The following ZFHX3 variants were observed in gnomAD, a reference collection of about 807,000 sequenced individuals.
The protein encoded by ZFHX3 is zinc finger homeobox protein 3.
ZFHX3 carries 42 observed loss-of-function variants against 279.1 expected under a neutral mutation model. The observed-to-expected ratio is 0.15, with a 90% CI of 0.12 to 0.19. The LOEUF (loss-of-function observed/expected upper bound fraction) is 0.19. ZFHX3 is among the 10% of genes least tolerant of loss of function. The probability of loss-of-function intolerance (pLI) is 1.00; values close to 1 mark genes in which losing one functional copy is unlikely to be tolerated. For synonymous variants in ZFHX3, 2,293 were observed against 1,957.8 expected, an observed-to-expected ratio of 1.17 and a Z score of -4.52; for missense variants, 4,981 against 4,754.0, an observed-to-expected ratio of 1.05 and a Z score of -1.40.
intron 4 of ZFHX3, among the ~76,000 whole-genome samples, chr16:73,289,342 G>C (rs943942794): frequency 6.6e-6 from 1 of 151,964 alleles, no homozygotes; most frequent in African/African-American, 2.4e-5. Context: ...AGGGTGGGGG[G>C]AGGTAGGTGG....
At chr16:73,812,610 G>C (rs1456149132) in intron 1 of ZFHX3, 1 of 152,288 alleles carries the variant, frequency 6.6e-6, no homozygotes, top group Non-Finnish European at 1.5e-5. Flanking sequence ...CTAGCTGCCT[G>C]CCCCTCTGAT....
At chr16:73,350,466 C>A (rs1003982614) in intron 3 of ZFHX3, among the ~76,000 whole-genome samples, 1 of 152,158 alleles carries the variant, frequency 6.6e-6, no homozygotes, top group African/African-American at 2.4e-5. Context: ...TAATTCCGGC[C>A]ATACGTCTTT....
chr16:73,460,238 CT>C (rs34373254), intron 2 of ZFHX3, among the ~76,000 whole-genome samples: 100,292 of 151,998 alleles, frequency 0.66, 33,531 homozygotes, highest in Non-Finnish European at 0.72. Context: ...TTGAGATTGG[CT>C]TTTTTTCACT....
In ZFHX3 at chr16:73,600,724, T is replaced by G. The variant is rs138151500; in HGVS notation, c.-1547+79456A>C. 5.5e-3 allele frequency among the ~76,000 whole-genome samples: 832 copies of G among 152,140 alleles called. 24 individuals carry two copies. Among genetic ancestry groups the G allele is most frequent in the East Asian group, 0.049 (251 of 5,152 alleles). On this transcript the variant is annotated intron_variant, in intron 2 of 17. Transcript: ENST00000641206. ...CGTGAGCCACCATGCCTGGCCATTT[T>G]CTCTTCTAATGGCATCATGGATCTT... is the stretch of plus-strand genomic sequence containing the variant.
At chr16:73,792,858 C>T (rs969014819) in intron 1 of ZFHX3, among the ~76,000 whole-genome samples, 1 of 138,346 alleles carries the variant, frequency 7.2e-6, no homozygotes, top group Non-Finnish European at 1.6e-5. Flanking sequence ...TACAGTGCAC[C>T]CCCCCCCTCC....
chr16:72,861,728 G>A (rs919679225), intron 4 of ZFHX3, among the ~76,000 whole-genome samples: 3 of 152,142 alleles, frequency 2.0e-5, no homozygotes, highest in Non-Finnish European at 2.9e-5. Flanking sequence ...AGAATAGATA[G>A]AACCCGCTGG....
chr16:73,561,204 C>T (rs1015630662), intron 2 of ZFHX3, among the ~76,000 whole-genome samples: 1 of 152,148 alleles, frequency 6.6e-6, no homozygotes. Flanking sequence ...AGACAGGAGA[C>T]TGAAATTCTA....
chr16:73,614,162 G>A (rs1466735050), intron 2 of ZFHX3, among the ~76,000 whole-genome samples: 2 of 152,182 alleles, frequency 1.3e-5, no homozygotes, highest in Non-Finnish European at 2.9e-5. Flanking sequence ...GTGAACAGAG[G>A]GAAGCTGTCC....
At chr16:73,047,007 A>C (rs1965324504) in intron 1 of ZFHX3, among the ~76,000 whole-genome samples, 1 of 152,210 alleles carries the variant, frequency 6.6e-6, no homozygotes, top group Non-Finnish European at 1.5e-5. Flanking sequence ...AGCACACACC[A>C]TGCGTGAGCT....
intron 5 of ZFHX3, among the ~76,000 whole-genome samples, chr16:73,187,415 G>A (rs189142238): frequency 3.6e-4 from 54 of 151,792 alleles, no homozygotes; most frequent in Non-Finnish European, 6.6e-4. Context: ...ACAGTTTGTA[G>A]TCCTAATCCC....
chr16:72,815,717 A>G (rs1006748478), intron 5 of ZFHX3, among the ~76,000 whole-genome samples: 4 of 152,232 alleles, frequency 2.6e-5, no homozygotes, highest in African/African-American at 9.7e-5. Flanking sequence ...ATTACTGGTC[A>G]CTTTAAGCCT....
chr16:73,604,947 C>CT (rs1439233814), intron 2 of ZFHX3, among the ~76,000 whole-genome samples: 1 of 151,952 alleles, frequency 6.6e-6, no homozygotes, highest in Non-Finnish European at 1.5e-5. Flanking sequence ...GTTTTCTGTT[C>CT]TTTTAAAATT....
At chr16:73,464,232 G>C (rs1334333931) in intron 2 of ZFHX3, among the ~76,000 whole-genome samples, 1 of 152,006 alleles carries the variant, frequency 6.6e-6, no homozygotes, top group African/African-American at 2.4e-5. Flanking sequence ...GGGAGAGAGA[G>C]GTTAAGCTCA....
At chr16:73,187,683 T>C (rs935541064) in intron 5 of ZFHX3, among the ~76,000 whole-genome samples, 15 of 152,336 alleles carry the variant, frequency 9.8e-5, no homozygotes, top group Admixed American at 5.2e-4. Context: ...GGCGAGTCTC[T>C]TTGGATGACA....
At chr16:73,399,976 CAT>C (rs2017216591) in intron 3 of ZFHX3, among the ~76,000 whole-genome samples, 1 of 151,586 alleles carries the variant, frequency 6.6e-6, no homozygotes, top group African/African-American at 2.4e-5. Flanking sequence ...GACGTACTGA[CAT>C]AGGTGCTCAC....
intron 5 of ZFHX3, among the ~76,000 whole-genome samples, chr16:73,156,808 G>T (rs1967096478): frequency 6.6e-6 from 1 of 152,106 alleles, no homozygotes; most frequent in African/African-American, 2.4e-5. Flanking sequence ...TCGCTTCCTG[G>T]GTTCAAGTGA....
chr16:73,760,035 A>G (rs2053847854), intron 1 of ZFHX3, among the ~76,000 whole-genome samples: 1 of 151,622 alleles, frequency 6.6e-6, no homozygotes, highest in Admixed American at 6.6e-5. Context: ...AAATTAATAA[A>G]ACAGACAACT....
chr16:72,971,774 C>A (rs1480079080), intron 1 of ZFHX3, among the ~76,000 whole-genome samples: 2 of 151,738 alleles, frequency 1.3e-5, no homozygotes, highest in African/African-American at 4.8e-5. Flanking sequence ...GTTTGACAGG[C>A]AAGAAATGGC....
chr16:72,964,202 C>G (rs1961719740), intron 1 of ZFHX3, among the ~76,000 whole-genome samples: 1 of 152,124 alleles, frequency 6.6e-6, no homozygotes, highest in Non-Finnish European at 1.5e-5. Flanking sequence ...ATTCCCCGTT[C>G]TAGGAATTCA....
Sources: allele counts gnomAD v4.1 joint callset (sites outside exome capture counted in the v4.1 genomes callset), GRCh38; gene constraint gnomAD v4.1.1; transcripts MANE v1.5; gene names NCBI Gene and HGNC (gene_info 2026-07-23, HGNC 2026-07-21).